The following SLC25A16 variants were observed in gnomAD, a reference collection of about 807,000 sequenced individuals.
SLC25A16 encodes mitochondrial coenzyme A transporter SLC25A16.
A neutral mutation model predicts 41.5 loss-of-function variants in SLC25A16; 39 were observed. The ratio of observed to expected loss-of-function variants is 0.94; its 90% confidence interval spans 0.73 to 1.23. The LOEUF is 1.23. SLC25A16 is among the 50% of genes most tolerant of loss of function. The pLI, the probability that SLC25A16 is intolerant of heterozygous loss-of-function variation, is 0.00. For missense variants in SLC25A16, 421 were observed against 426.9 expected, an observed-to-expected ratio of 0.99 and a Z score of 0.12; for synonymous variants, 146 against 147.8, an observed-to-expected ratio of 0.99 and a Z score of 0.09.
At position 68,510,976 on chromosome 10, in the gene SLC25A16, C is replaced by T. The variant is rs559524919; in HGVS notation, c.224-4258G>A. On this transcript the variant is annotated intron_variant, in intron 2 of 8. Transcript: ENST00000609923. ...AATTAAAGCCCAGTGCAGTGGCTCA[C>T]GCCTATAATCCCAGCACTTTGGGAG... Among the ~76,000 whole-genome samples the T allele has an allele frequency of 6.6e-5, 10 of 152,272 alleles. No homozygotes were observed. In the East Asian group the frequency reaches 1.2e-3, roughly 18 times the overall value.
intron 2 of SLC25A16, among the ~76,000 whole-genome samples, chr10:68,515,042 G>A (rs1451215902): frequency 2.0e-5 from 3 of 147,986 alleles, no homozygotes; most frequent in African/African-American, 2.5e-5. Context: ...CTGGCCTAAA[G>A]TCTTGATTTT....
At chr10:68,494,537 CAGAG>C (rs920080773) in intron 4 of SLC25A16, among the ~76,000 whole-genome samples, 1 of 141,734 alleles carries the variant, frequency 7.1e-6, no homozygotes. Flanking sequence ...GAGAGAGAGA[CAGAG>C]AGAGAGAGAA....
chr10:68,512,633 C>T (rs1349689139), intron 2 of SLC25A16, among the ~76,000 whole-genome samples: 4 of 68,046 alleles, frequency 5.9e-5, no homozygotes, highest in African/African-American at 1.6e-4. Flanking sequence ...AGCGAGACTC[C>T]GTCTCAAAAA....
At chr10:68,516,090 C>T (rs1456423560) in intron 2 of SLC25A16, among the ~76,000 whole-genome samples, 3 of 152,104 alleles carry the variant, frequency 2.0e-5, no homozygotes, top group South Asian at 2.1e-4. Context: ...TTGAAATGCT[C>T]GTTTCCTGGT....
At chr10:68,483,892 G>A (rs922209826) in intron 8 of SLC25A16, among the ~76,000 whole-genome samples, 2 of 152,114 alleles carry the variant, frequency 1.3e-5, no homozygotes, top group Non-Finnish European at 2.9e-5. Flanking sequence ...TCAAACTCCT[G>A]ACCTCAGGTG....
chr10:68,494,458 GAAAGA>G (rs1470858721), intron 4 of SLC25A16, among the ~76,000 whole-genome samples: 1 of 111,638 alleles, frequency 9.0e-6, no homozygotes, highest in East Asian at 3.2e-4. Flanking sequence ...GAGATTCCAG[GAAAGA>G]AAAGAAAAGG....
chr10:68,520,549 C>T (rs1370237654), intron 1 of SLC25A16, among the ~76,000 whole-genome samples: 2 of 151,900 alleles, frequency 1.3e-5, no homozygotes, highest in African/African-American at 4.8e-5. Context: ...CAGTGGCCCA[C>T]ACCTGTAATC....
At chr10:68,500,185 A>C (rs549688547) in intron 4 of SLC25A16, among the ~76,000 whole-genome samples, 1 of 152,322 alleles carries the variant, frequency 6.6e-6, no homozygotes, top group East Asian at 1.9e-4. Context: ...ACTTTGGCAA[A>C]TATAAAATTT....
At chr10:68,501,651 G>A (rs1245097927) in intron 4 of SLC25A16, among the ~76,000 whole-genome samples, 2 of 150,106 alleles carry the variant, frequency 1.3e-5, no homozygotes, top group Non-Finnish European at 2.9e-5. Flanking sequence ...AATGGGTGCA[G>A]TAGTGTGTGC....
chr10:68,524,021 G>A (rs1035288247), intron 1 of SLC25A16, among the ~76,000 whole-genome samples: 1 of 146,102 alleles, frequency 6.8e-6, no homozygotes, highest in African/African-American at 2.6e-5. Flanking sequence ...GGATCACAAG[G>A]TCAAAAGATC....
At chr10:68,504,133 C>T (rs565951300) in intron 3 of SLC25A16, among the ~76,000 whole-genome samples, 46 of 148,410 alleles carry the variant, frequency 3.1e-4, no homozygotes, top group South Asian at 2.4e-3. Context: ...TCTCCTGCCT[C>T]GGCCTCCCAA....
At chr10:68,501,508 G>A (rs1251098630) in intron 4 of SLC25A16, among the ~76,000 whole-genome samples, 1 of 147,972 alleles carries the variant, frequency 6.8e-6, no homozygotes, top group Admixed American at 6.8e-5. Context: ...AAAAAAAAAG[G>A]AAAGTGAGAA....
intron 8 of SLC25A16, among the ~76,000 whole-genome samples, chr10:68,486,287 G>T (rs1449400257): frequency 6.6e-6 from 1 of 151,044 alleles, no homozygotes; most frequent in Non-Finnish European, 1.5e-5. Flanking sequence ...TAGAGACAAG[G>T]TCTCACTGTG....
chr10:68,500,654 G>C (rs900178368), intron 4 of SLC25A16, among the ~76,000 whole-genome samples: 4 of 150,966 alleles, frequency 2.6e-5, no homozygotes, highest in African/African-American at 7.3e-5. Flanking sequence ...TTATAGGACA[G>C]GCACCATGGC....
chr10:68,521,511 A>C (rs1319887804), intron 1 of SLC25A16, among the ~76,000 whole-genome samples: 1 of 151,966 alleles, frequency 6.6e-6, no homozygotes, highest in Non-Finnish European at 1.5e-5. Flanking sequence ...CTGGGTGACA[A>C]AGCAAGACTC....
chr10:68,491,211 T>A (rs1014006789), intron 6 of SLC25A16, among the ~76,000 whole-genome samples: 3 of 150,178 alleles, frequency 2.0e-5, no homozygotes, highest in Non-Finnish European at 4.4e-5. Flanking sequence ...TAGTGCACTG[T>A]TTTTTTGTTG....
chr10:68,506,922 A>G (rs937528121), intron 2 of SLC25A16, among the ~76,000 whole-genome samples: 2 of 150,454 alleles, frequency 1.3e-5, no homozygotes, highest in African/African-American at 5.0e-5. Context: ...CACACCCCAT[A>G]TAATATAAAA....
chr10:68,485,774 T>C (rs1417581451), intron 8 of SLC25A16, among the ~76,000 whole-genome samples: 2 of 148,762 alleles, frequency 1.3e-5, no homozygotes, highest in African/African-American at 4.9e-5. Flanking sequence ...CAAGCAATTA[T>C]CGTGCCTCAG....
At chr10:68,499,173 C>T (rs776556754) in intron 4 of SLC25A16, among the ~76,000 whole-genome samples, 1 of 151,934 alleles carries the variant, frequency 6.6e-6, no homozygotes, top group Non-Finnish European at 1.5e-5. Flanking sequence ...AACATACAGG[C>T]AAGTTACAGA....
Sources: allele counts gnomAD v4.1 joint callset (sites outside exome capture counted in the v4.1 genomes callset), GRCh38; gene constraint gnomAD v4.1.1; transcripts MANE v1.5; gene names NCBI Gene and HGNC (gene_info 2026-07-23, HGNC 2026-07-21).